Variants in CDH12 observed in about 807,000 individuals in gnomAD.
The protein encoded by CDH12 is cadherin 12, also known as cadherin-12.
A neutral mutation model predicts 74.1 loss-of-function variants in CDH12; 41 were observed. That is an observed-to-expected ratio of 0.55 (90% CI 0.43 to 0.72). The LOEUF (loss-of-function observed/expected upper bound fraction) is 0.72. Among genes scored for constraint, CDH12 ranks in the 30% least tolerant of loss-of-function variants. The pLI is 0.00. For missense variants in CDH12, 945 were observed against 977.2 expected (o/e 0.97, Z 0.44); for synonymous variants, 399 against 355.0 (o/e 1.12, Z -1.39).
At chr5:22,797,001 C>A (rs1253897300) in intron 1 of CDH12, among the ~76,000 whole-genome samples, 1 of 151,862 alleles carries the variant, frequency 6.6e-6, no homozygotes, top group East Asian at 1.9e-4. Context: ...TTATCCATGT[C>A]AAAAATAGAA....
intron 1 of CDH12, among the ~76,000 whole-genome samples, chr5:22,681,199 T>C (rs1254063623): frequency 1.3e-5 from 2 of 151,300 alleles, no homozygotes; most frequent in African/African-American, 2.4e-5. Context: ...ACTAGTTATG[T>C]AAAATCATTA....
intron 5 of CDH12, among the ~76,000 whole-genome samples, chr5:22,030,744 A>G (rs1330458736): frequency 6.6e-6 from 1 of 152,212 alleles, no homozygotes; most frequent in Non-Finnish European, 1.5e-5. Context: ...ATGAAAGTCC[A>G]AGATAGCCTC....
intron 5 of CDH12, among the ~76,000 whole-genome samples, chr5:22,072,890 G>C (rs545695705): frequency 6.6e-6 from 1 of 152,144 alleles, no homozygotes; most frequent in East Asian, 1.9e-4. Context: ...GTGCAATGGA[G>C]CTAGACCACC....
chr5:22,396,615 T>C (rs1177275483), intron 3 of CDH12, among the ~76,000 whole-genome samples: 2 of 152,076 alleles, frequency 1.3e-5, no homozygotes, highest in African/African-American at 4.8e-5. Context: ...ATGAGCAAAT[T>C]TGGAGGTAGT....
chr5:22,485,432 A>G (rs10941955), intron 2 of CDH12, among the ~76,000 whole-genome samples: 4 of 152,126 alleles, frequency 2.6e-5, no homozygotes, highest in African/African-American at 9.7e-5. Flanking sequence ...TTCAAGCAAG[A>G]CTCCTTCTTC....
At chr5:22,702,611 G>A (rs1008015905) in intron 1 of CDH12, among the ~76,000 whole-genome samples, 1 of 151,650 alleles carries the variant, frequency 6.6e-6, no homozygotes, top group Admixed American at 6.6e-5. Flanking sequence ...GTTATGAATG[G>A]GCTAAGAAGA....
At chr5:22,616,923 G>A (rs1409418880) in intron 1 of CDH12, among the ~76,000 whole-genome samples, 1 of 151,884 alleles carries the variant, frequency 6.6e-6, no homozygotes, top group Admixed American at 6.6e-5. Context: ...GAAGTGTAGT[G>A]GTGTGATCAC....
chr5:22,584,884 A>T (rs1740300360), intron 1 of CDH12, among the ~76,000 whole-genome samples: 1 of 152,176 alleles, frequency 6.6e-6, no homozygotes, highest in Non-Finnish European at 1.5e-5. Context: ...GAACTCTTTA[A>T]CACCATTTCT....
chr5:22,137,611 A>C (rs1169074658), intron 4 of CDH12, among the ~76,000 whole-genome samples: 5 of 152,104 alleles, frequency 3.3e-5, no homozygotes, highest in Non-Finnish European at 2.9e-5. Context: ...TCAATTTCCC[A>C]GGAGCAATTG....
intron 4 of CDH12, among the ~76,000 whole-genome samples, chr5:22,178,638 T>G (rs1749467249): frequency 6.6e-6 from 1 of 152,174 alleles, no homozygotes; most frequent in South Asian, 2.1e-4. Context: ...CAATTCATAC[T>G]CTTACCAATA....
At chr5:22,492,105 A>T (rs889823011) in intron 2 of CDH12, among the ~76,000 whole-genome samples, 6 of 152,148 alleles carry the variant, frequency 3.9e-5, no homozygotes, top group African/African-American at 1.4e-4. Context: ...AACAGTTGAC[A>T]TTCTTGATGA....
At chr5:22,507,545 T>C (rs1736438451) in intron 1 of CDH12, among the ~76,000 whole-genome samples, 1 of 152,188 alleles carries the variant, frequency 6.6e-6, no homozygotes, top group African/African-American at 2.4e-5. Flanking sequence ...ACTCATTTTA[T>C]CATTCTGTTA....
At chr5:21,826,219 T>C (rs1448945615) in intron 8 of CDH12, among the ~76,000 whole-genome samples, 1 of 152,198 alleles carries the variant, frequency 6.6e-6, no homozygotes, top group East Asian at 1.9e-4. Flanking sequence ...CAAAATATCA[T>C]CTTATTCCAA....
chr5:22,836,323 A>G (rs1581048779), intron 1 of CDH12, among the ~76,000 whole-genome samples: 1 of 141,780 alleles, frequency 7.1e-6, no homozygotes, highest in East Asian at 2.2e-4. Context: ...TCCTGGGTTC[A>G]AGTGATACTC....
At chr5:22,274,915 A>G (rs1399200874) in intron 3 of CDH12, among the ~76,000 whole-genome samples, 11 of 152,206 alleles carry the variant, frequency 7.2e-5, no homozygotes, top group Non-Finnish European at 1.5e-4. Flanking sequence ...TTTGAAAATA[A>G]GATTTACTAA....
chr5:22,736,693 C>G (rs981058113), intron 1 of CDH12, among the ~76,000 whole-genome samples: 1 of 151,676 alleles, frequency 6.6e-6, no homozygotes, highest in African/African-American at 2.4e-5. Context: ...ACTGGCAATA[C>G]AACCTGAAGG....
intron 9 of CDH12, among the ~76,000 whole-genome samples, chr5:21,802,931 A>G (rs576620125): frequency 5.9e-5 from 9 of 152,274 alleles, no homozygotes; most frequent in South Asian, 2.1e-4. Flanking sequence ...GGTAACTTGT[A>G]AAGATCATCA....
chr5:21,792,242 T>C (rs1746539478), intron 10 of CDH12, among the ~76,000 whole-genome samples: 1 of 151,896 alleles, frequency 6.6e-6, no homozygotes, highest in African/African-American at 2.4e-5. Flanking sequence ...CACAAATAAA[T>C]CCCGCTATGT....
At chr5:21,920,072 C>T (rs907865576) in intron 6 of CDH12, among the ~76,000 whole-genome samples, 26 of 151,980 alleles carry the variant, frequency 1.7e-4, no homozygotes, top group African/African-American at 6.3e-4. Flanking sequence ...TTATTTTAAA[C>T]CTATAATTAT....
Sources: gnomAD v4.1 joint callset for allele counts (sites outside exome capture counted in the v4.1 genomes callset) on GRCh38, gnomAD v4.1.1 for gene constraint, MANE v1.5 for transcripts, NCBI Gene and HGNC (gene_info 2026-07-23, HGNC 2026-07-21) for gene names.